Variants in FNDC3B observed in about 807,000 individuals in gnomAD.
The protein encoded by FNDC3B is fibronectin type III domain-containing protein 3B.
Under a neutral mutation model 151.5 loss-of-function variants are expected in FNDC3B, and 12 were observed. That is an observed-to-expected ratio of 0.08 (90% confidence interval 0.05 to 0.13). FNDC3B has a LOEUF of 0.13. Among genes scored for constraint, FNDC3B ranks in the 10% least tolerant of loss-of-function variants. The pLI, the probability that FNDC3B is intolerant of heterozygous loss-of-function variation, is 1.00. For synonymous variants in FNDC3B, 528 were observed against 549.0 expected, an observed-to-expected ratio of 0.96 and a Z score of 0.54; for missense variants, 1,214 against 1,505.3, an observed-to-expected ratio of 0.81 and a Z score of 3.20.
intron 8 of FNDC3B, among the ~76,000 whole-genome samples, chr3:172,297,202 T>G (rs1037368846): frequency 1.3e-5 from 2 of 152,180 alleles, no homozygotes; most frequent in Non-Finnish European, 2.9e-5. Flanking sequence ...TGTTATTAAA[T>G]TAATGGAACA....
chr3:172,308,016 T>G (rs1476455796), intron 10 of FNDC3B, among the ~76,000 whole-genome samples: 1 of 152,222 alleles, frequency 6.6e-6, no homozygotes, highest in East Asian at 1.9e-4. Context: ...GCAAAAAGTT[T>G]TTATCAAGAA....
chr3:172,349,402 A>G (rs570208969), intron 21 of FNDC3B, among the ~76,000 whole-genome samples: 47 of 152,358 alleles, frequency 3.1e-4, no homozygotes, highest in African/African-American at 1.1e-3. Flanking sequence ...ATTAAGTACC[A>G]ACGTAATTCC....
intron 3 of FNDC3B, among the ~76,000 whole-genome samples, chr3:172,181,590 G>A (rs1723907093): frequency 6.6e-6 from 1 of 151,616 alleles, no homozygotes; most frequent in Admixed American, 6.6e-5. Context: ...CGGCACTTTG[G>A]GAAGCCTAGG....
At chr3:172,251,650 C>T in intron 6 of FNDC3B, 109 bp downstream of exon 6, 1 of 1,072,410 alleles carries the variant, frequency 9.3e-7, no homozygotes, top group Admixed American at 2.7e-5. Flanking sequence ...GTTGGTTGTT[C>T]TGCTAAGAAT....
At chr3:172,041,411 CTCCT>C (rs10530673) in intron 1 of FNDC3B, among the ~76,000 whole-genome samples, 5,645 of 138,948 alleles carry the variant, frequency 0.041, 138 homozygotes, top group Middle Eastern at 0.11. Context: ...CTCCTTCTCT[CTCCT>C]TCCTTCCTTC....
intron 3 of FNDC3B, among the ~76,000 whole-genome samples, chr3:172,204,416 A>C (rs561061404): frequency 1.3e-5 from 2 of 152,232 alleles, no homozygotes; most frequent in South Asian, 4.1e-4. Context: ...AATATTTTTT[A>C]TTTCTCCTGA....
intron 23 of FNDC3B, among the ~76,000 whole-genome samples, chr3:172,372,910 T>G (rs953058190): frequency 1.3e-5 from 2 of 152,166 alleles, no homozygotes; most frequent in Non-Finnish European, 2.9e-5. Flanking sequence ...ATTTTACAAA[T>G]GGGAGGAACT....
At position 172,158,507 on chromosome 3, in the gene FNDC3B, A is replaced by AT. The variant is rs550915510; in HGVS notation, c.187+24971dup. On this transcript the variant is annotated intron_variant, in intron 3 of 25. Coordinates refer to ENST00000415807, the MANE Select transcript of FNDC3B (RefSeq NM_022763.4). The stretch of plus-strand genomic sequence containing the variant: ...CCCATTTTCTAATAGGATTGTTTGA[A>AT]TTTTTTTTTTAACTGCTGAGTTTTG... Among the ~76,000 whole-genome samples the AT allele has an allele frequency of 4.5e-4, 68 of 150,330 alleles. 1 individual carries two copies. Among genetic ancestry groups the AT allele is most frequent in the African/African-American group, 1.4e-3 (59 of 41,088 alleles).
intron 3 of FNDC3B, among the ~76,000 whole-genome samples, chr3:172,199,459 G>A (rs1015242083): frequency 8.5e-5 from 13 of 152,140 alleles, no homozygotes; most frequent in Non-Finnish European, 1.3e-4. Context: ...GATTACAGGT[G>A]TGAGCCACCG....
intron 6 of FNDC3B, among the ~76,000 whole-genome samples, chr3:172,253,613 A>T (rs1162002524): frequency 6.6e-6 from 1 of 152,204 alleles, no homozygotes; most frequent in East Asian, 1.9e-4. Context: ...ATCTAAAACT[A>T]TACTTAATAC....
chr3:172,151,269 A>T (rs1326247682), intron 3 of FNDC3B, among the ~76,000 whole-genome samples: 1 of 152,158 alleles, frequency 6.6e-6, no homozygotes, highest in African/African-American at 2.4e-5. Flanking sequence ...GCTTTGTCTA[A>T]CCTTTTGGTA....
At chr3:172,205,646 G>GT (rs1307136720) in intron 3 of FNDC3B, among the ~76,000 whole-genome samples, 2 of 152,126 alleles carry the variant, frequency 1.3e-5, no homozygotes, top group East Asian at 1.9e-4. Context: ...TCCTTGTAGA[G>GT]TTTTCTATTT....
chr3:172,340,613 G>T (rs1001757560), intron 16 of FNDC3B, among the ~76,000 whole-genome samples: 1 of 152,148 alleles, frequency 6.6e-6, no homozygotes, highest in African/African-American at 2.4e-5. Context: ...GCTCCATGAA[G>T]GCAGTCAAAA....
chr3:172,296,747 T>C (rs571507486), intron 8 of FNDC3B, among the ~76,000 whole-genome samples: 1 of 152,278 alleles, frequency 6.6e-6, no homozygotes. Flanking sequence ...AATTGACCCT[T>C]GAACAACACA....
At chr3:172,196,090 A>G (rs761083289) in intron 3 of FNDC3B, among the ~76,000 whole-genome samples, 1 of 152,224 alleles carries the variant, frequency 6.6e-6, no homozygotes, top group Non-Finnish European at 1.5e-5. Flanking sequence ...AGGTTTAGGT[A>G]CTTGGCATTT....
chr3:172,143,902 C>T (rs900648224), intron 3 of FNDC3B, among the ~76,000 whole-genome samples: 2 of 138,418 alleles, frequency 1.4e-5, no homozygotes, highest in Non-Finnish European at 3.1e-5. Context: ...AGTGAGCCTC[C>T]ATCTCAAAAT....
At chr3:172,111,075 G>A (rs369869221) in intron 1 of FNDC3B, among the ~76,000 whole-genome samples, 7 of 148,420 alleles carry the variant, frequency 4.7e-5, no homozygotes, top group East Asian at 3.9e-4. Context: ...CTCCAGCCTG[G>A]GCAACAGAGT....
At chr3:172,309,068 T>G (rs973666151) in intron 10 of FNDC3B, among the ~76,000 whole-genome samples, 1 of 152,240 alleles carries the variant, frequency 6.6e-6, no homozygotes, top group African/African-American at 2.4e-5. Context: ...AGGAAAACGT[T>G]TCACATTTTC....
chr3:172,197,747 AG>A (rs1724911686), intron 3 of FNDC3B, among the ~76,000 whole-genome samples: 1 of 152,252 alleles, frequency 6.6e-6, no homozygotes, highest in Non-Finnish European at 1.5e-5. Context: ...GATTAGATCC[AG>A]GTTATCCATC....
Sources: allele counts gnomAD v4.1 joint callset (sites outside exome capture counted in the v4.1 genomes callset), GRCh38; gene constraint gnomAD v4.1.1; transcripts MANE v1.5; gene names NCBI Gene and HGNC (gene_info 2026-07-23, HGNC 2026-07-21).